Variants in RAB3GAP2 observed in about 807,000 individuals in gnomAD.
RAB3GAP2 encodes the protein rab3 GTPase-activating protein non-catalytic subunit.
RAB3GAP2 carries 87 observed loss-of-function variants against 185.3 expected under a neutral mutation model. The observed-to-expected ratio is 0.47, with a 90% confidence interval of 0.39 to 0.56. The LOEUF is 0.56. RAB3GAP2 is among the 20% of genes least tolerant of loss of function. RAB3GAP2 has a pLI of 0.00. For missense variants in RAB3GAP2, 1,492 were observed against 1,638.2 expected, an observed-to-expected ratio of 0.91 and a Z score of 1.54; for synonymous variants, 554 against 576.1, an observed-to-expected ratio of 0.96 and a Z score of 0.55.
chr1:220,219,235 C>T (rs1571907208), intron 2 of RAB3GAP2, among the ~76,000 whole-genome samples: 1 of 152,130 alleles, frequency 6.6e-6, no homozygotes, highest in African/African-American at 2.4e-5. Flanking sequence ...TACAGATCAA[C>T]AATCTCCTTC....
chr1:220,222,233 GCTA>G (rs772515337), intron 2 of RAB3GAP2, among the ~76,000 whole-genome samples: 2 of 151,322 alleles, frequency 1.3e-5, no homozygotes, highest in Non-Finnish European at 2.9e-5. Context: ...TTTCTATTCT[GCTA>G]CTAACTATAA....
rs1355915531 is a variant in RAB3GAP2, at chr1:220,182,312, GT to G, written c.2254del (p.Thr752LeufsTer23). 9 of 1,614,064 alleles carry G rather than the reference GT, an allele frequency of 5.6e-6. No individual in the cohort carries two copies. Among genetic ancestry groups the G allele is most frequent in the Non-Finnish European group, 7.6e-6 (9 of 1,179,978 alleles). On this transcript the variant is annotated frameshift_variant, in exon 21 of 35. Transcript: ENST00000358951. LOFTEE classifies it high-confidence loss of function. ...FWKCLHGESS[T>X]EDMCHTLESA... ...CTCCAAAGTGTGACACATATCCTCAGTGGAGCTTTCTCCATGCAAACACTTC... is the reference window on the plus strand; with the variant it reads ...CTCCAAAGTGTGACACATATCCTCAGGGAGCTTTCTCCATGCAAACACTTC...
intron 1 of RAB3GAP2, among the ~76,000 whole-genome samples, chr1:220,270,931 C>T (rs752990589): frequency 1.1e-4 from 17 of 152,244 alleles, no homozygotes; most frequent in Non-Finnish European, 2.1e-4. Flanking sequence ...TCCCATCCTC[C>T]TCTCCAGCCA....
chr1:220,272,255 T>C lies in RAB3GAP2; in HGVS notation c.83A>G (p.Glu28Gly), dbSNP rs1660351048. The change falls in exon 1 of 35, where the codon GAG becomes GGG. Residue 28 changes from glutamate to glycine, a missense_variant. Coordinates refer to ENST00000358951, the MANE Select transcript of RAB3GAP2 (RefSeq NM_012414.4). ...CCTCCGCAAGGCGCCGCTGAGGATC[T>C]CCTCCCGCAGGTGAGGAAAGAGGAA... ...RDFLFPHLRE[E>G]ILSGALRRDP... The C allele has an allele frequency of 6.2e-7, 1 of 1,610,224 alleles. No homozygotes were observed. Among genetic ancestry groups the C allele is most frequent in the Non-Finnish European group, 8.5e-7 (1 of 1,179,072 alleles).
chr1:220,195,298 C>T lies in RAB3GAP2; in HGVS notation c.1040G>A (p.Ser347Asn). The change falls in exon 11 of 35, where the codon AGT (serine) becomes AAT (asparagine). Residue 347 changes from serine (S) to asparagine (N), a missense_variant and splice_region_variant. By Grantham distance (46) the Ser-to-Asn change is conservative (BLOSUM62 1). Around this residue, in one of 5 missense-constraint regions of RAB3GAP2, gnomAD observed 243 missense variants for 314.8 expected, o/e 0.77. Coordinates refer to ENST00000358951, the MANE Select transcript of RAB3GAP2 (RefSeq NM_012414.4). ...GTTATTTTAATTGTTAAGTAATTAC[C>T]TGGCAGCATTAAATAAAGCAGAAGT... ...KLTSALFNAA[S>N]GWLGWKSKHE... is the part of the protein sequence containing the mutation. The T allele has an allele frequency of 6.2e-7, 1 of 1,606,898 alleles. No individual in the cohort carries two copies. Among genetic ancestry groups the T allele is most frequent in the Non-Finnish European group, 8.5e-7 (1 of 1,173,468 alleles).
chr1:220,206,132 A>T, intron 7 of RAB3GAP2, 126 bp from the exon 8 acceptor site: 1 of 637,418 alleles, frequency 1.6e-6, no homozygotes, highest in Non-Finnish European at 2.7e-6. Context: ...CAGGCAGAAG[A>T]ACAGTAAAAA....
At chr1:220,155,364 G>A (rs1657839274) in intron 31 of RAB3GAP2, among the ~76,000 whole-genome samples, 1 of 152,200 alleles carries the variant, frequency 6.6e-6, no homozygotes, top group Admixed American at 6.5e-5. Flanking sequence ...CTGCCAAGTA[G>A]ATTAAAGCTA....
At chr1:220,251,995 T>C (rs1659940925) in intron 1 of RAB3GAP2, among the ~76,000 whole-genome samples, 1 of 150,838 alleles carries the variant, frequency 6.6e-6, no homozygotes, top group South Asian at 2.1e-4. Flanking sequence ...TACAAAGAAA[T>C]AGAAAAAGTA....
intron 8 of RAB3GAP2, among the ~76,000 whole-genome samples, chr1:220,204,695 C>A (rs985419108): frequency 1.3e-5 from 2 of 151,766 alleles, no homozygotes; most frequent in Non-Finnish European, 2.9e-5. Context: ...TTAACCTAAT[C>A]ATTTAGCATT....
At chr1:220,156,821 C>T (rs1319230024) in intron 31 of RAB3GAP2, among the ~76,000 whole-genome samples, 2 of 151,980 alleles carry the variant, frequency 1.3e-5, no homozygotes, top group Non-Finnish European at 2.9e-5. Flanking sequence ...ATGATGACAT[C>T]GTTAATAAAA....
chr1:220,190,443 A>G lies in RAB3GAP2; in HGVS notation c.1565T>C (p.Ile522Thr), dbSNP rs1461807113. ...SQSWQPQTYQ[I>T]CLVDPVSGSV... ...TCCAGACACTGGATCAACCAGACAG[A>G]TCTGATAAGTCTGTGGCTGCCAACT... The change falls in exon 15 of 35, where the codon ATC becomes ACC. Residue 522 changes from isoleucine to threonine, a missense_variant. Around this residue, in one of 5 missense-constraint regions of RAB3GAP2, gnomAD observed 681 missense variants for 689.1 expected, o/e 0.99. Coordinates refer to ENST00000358951, the MANE Select transcript of RAB3GAP2 (RefSeq NM_012414.4). The G allele has an allele frequency of 6.2e-7, 1 of 1,613,934 alleles. No individual in the cohort carries two copies. The highest frequency in any genetic ancestry group is 8.5e-7 in the Non-Finnish European group (1 of 1,179,818).
chr1:220,198,167 C>A (rs11807323), intron 9 of RAB3GAP2, among the ~76,000 whole-genome samples: 2 of 152,148 alleles, frequency 1.3e-5, no homozygotes, highest in Non-Finnish European at 2.9e-5. Context: ...CTCGTTTCCC[C>A]CTACACACAT....
Position 220,210,448 on chromosome 1 carries a change from T to C in RAB3GAP2, c.552A>G (p.Pro184=). The part of the protein sequence containing the change: ...LLLAQLLNED[P]VLQLKCRTYE... ...AGGTTCTGCATTTAAGTTGAAGTAC[T>C]GGGTCCTCATTCAAAAGCTGTGCAA... Residue 184 remains proline, a synonymous_variant, in exon 7 of 35, where the codon CCA becomes CCG. Transcript: ENST00000358951. 1 of 1,614,150 alleles carries C rather than the reference T, an allele frequency of 6.2e-7. No homozygotes were observed.
chr1:220,218,275 G>A (rs1659235941), intron 2 of RAB3GAP2, among the ~76,000 whole-genome samples: 1 of 151,908 alleles, frequency 6.6e-6, no homozygotes, highest in African/African-American at 2.4e-5. Flanking sequence ...CTGTTACTGT[G>A]GTACTAAAAA....
intron 17 of RAB3GAP2, among the ~76,000 whole-genome samples, chr1:220,189,409 C>CG (rs1394784680): frequency 6.6e-6 from 1 of 151,750 alleles, no homozygotes; most frequent in East Asian, 1.9e-4. Context: ...TTAGTAGAGA[C>CG]GGGGTTTCAC....
intron 1 of RAB3GAP2, among the ~76,000 whole-genome samples, chr1:220,252,858 G>A (rs1165619556): frequency 6.6e-6 from 1 of 152,170 alleles, no homozygotes; most frequent in African/African-American, 2.4e-5. Context: ...CAGGAAATCT[G>A]TCTGTATATA....
chr1:220,193,405 CT>C, intron 12 of RAB3GAP2, 26 bp from the exon 13 acceptor site: 1 of 1,608,052 alleles, frequency 6.2e-7, no homozygotes, highest in Non-Finnish European at 8.5e-7. Context: ...AAATAAAATG[CT>C]CAAATCACAT....
chr1:220,266,602 T>C (rs1660230789), intron 1 of RAB3GAP2: 3 of 1,030,150 alleles, frequency 2.9e-6, no homozygotes, highest in East Asian at 2.4e-5. Flanking sequence ...TTTAGTGTTC[T>C]AGATTGAGGG....
intron 1 of RAB3GAP2, among the ~76,000 whole-genome samples, chr1:220,271,734 G>T (rs74808580): frequency 0.052 from 7,920 of 152,120 alleles, 311 homozygotes; most frequent in Middle Eastern, 0.095. Flanking sequence ...TTCGGAATGG[G>T]AGGTAGCAGA....
Sources: allele counts gnomAD v4.1 joint callset (sites outside exome capture counted in the v4.1 genomes callset), GRCh38; gene constraint gnomAD v4.1.1; regional missense constraint gnomAD v4.1.1; transcripts MANE v1.5; gene names NCBI Gene and HGNC (gene_info 2026-07-23, HGNC 2026-07-21).